MECOM: variants seen among roughly 807,000 people sequenced by gnomAD.
MECOM encodes the protein MDS1 and EVI1 complex locus, also known as histone-lysine N-methyltransferase MECOM.
In MECOM, 13 loss-of-function variants were observed where a neutral mutation model predicts 116.3. The observed-to-expected ratio is 0.11, with a 90% CI of 0.07 to 0.18. MECOM has a LOEUF of 0.18. Among genes scored for constraint, MECOM ranks in the 10% least tolerant of loss-of-function variants. The pLI, the probability that MECOM is intolerant of heterozygous loss-of-function variation, is 1.00. For missense variants in MECOM, 1,299 were observed against 1,509.0 expected, an observed-to-expected ratio of 0.86 and a Z score of 2.31; for synonymous variants, 528 against 535.2, an observed-to-expected ratio of 0.99 and a Z score of 0.19.
intron 2 of MECOM, among the ~76,000 whole-genome samples, chr3:169,274,417 T>C (rs752077375): frequency 2.0e-5 from 3 of 152,234 alleles, no homozygotes; most frequent in Non-Finnish European, 2.9e-5. Context: ...AGCACTACAC[T>C]GTTTTCTGGA....
At chr3:169,548,204 G>T (rs1277230613) in intron 1 of MECOM, among the ~76,000 whole-genome samples, 1 of 151,990 alleles carries the variant, frequency 6.6e-6, no homozygotes, top group African/African-American at 2.4e-5. Flanking sequence ...AAAAAAGAAA[G>T]AAAAACTTTA....
intron 2 of MECOM, among the ~76,000 whole-genome samples, chr3:169,291,293 C>T (rs1353947025): frequency 1.3e-5 from 2 of 152,170 alleles, no homozygotes; most frequent in Non-Finnish European, 2.9e-5. Flanking sequence ...GCCTCCAACT[C>T]ACTATCAAGG....
At chr3:169,476,832 A>AT (rs1458291861) in intron 1 of MECOM, 2 of 150,388 alleles carry the variant, frequency 1.3e-5, no homozygotes, top group Non-Finnish European at 3.0e-5. Context: ...AGAAGATGCT[A>AT]TTTTTTGTTG....
At chr3:169,247,948 G>A (rs1755797154) in intron 2 of MECOM, among the ~76,000 whole-genome samples, 1 of 152,146 alleles carries the variant, frequency 6.6e-6, no homozygotes, top group African/African-American at 2.4e-5. Flanking sequence ...CCAACTAGCT[G>A]ACTTTTGCCC....
At chr3:169,622,868 C>T (rs1362134746) in intron 1 of MECOM, among the ~76,000 whole-genome samples, 1 of 152,136 alleles carries the variant, frequency 6.6e-6, no homozygotes, top group East Asian at 1.9e-4. Flanking sequence ...GGAGGAAAGA[C>T]AGGTAATTCA....
chr3:169,191,458 G>C (rs976834493), intron 2 of MECOM, among the ~76,000 whole-genome samples: 2 of 151,904 alleles, frequency 1.3e-5, no homozygotes, highest in African/African-American at 4.8e-5. Flanking sequence ...GAATAGATCA[G>C]ATAAGATGGA....
At chr3:169,180,962 G>A (rs923565268) in intron 2 of MECOM, among the ~76,000 whole-genome samples, 2 of 151,954 alleles carry the variant, frequency 1.3e-5, no homozygotes, top group South Asian at 2.1e-4. Context: ...TATGTAGGAA[G>A]TGAAACTAAT....
At chr3:169,272,236 C>A (rs1361812616) in intron 2 of MECOM, among the ~76,000 whole-genome samples, 1 of 152,172 alleles carries the variant, frequency 6.6e-6, no homozygotes, top group Non-Finnish European at 1.5e-5. Flanking sequence ...TGCCTTAGTT[C>A]CCAGAGTAGG....
intron 1 of MECOM, among the ~76,000 whole-genome samples, chr3:169,538,393 T>C (rs1385061519): frequency 1.3e-5 from 2 of 152,190 alleles, no homozygotes; most frequent in African/African-American, 4.8e-5. Flanking sequence ...CCTTAAAATA[T>C]CACACCCACT....
chr3:169,359,623 C>CTTTA lies in MECOM; in HGVS notation c.375+21560_375+21563dup, dbSNP rs565873552. ...TAGTCAAACTCAACTATTCTTCTAC[C>CTTTA]TTTATATTGCTGACAATATTCTATA... On this transcript the variant is annotated intron_variant, in intron 2 of 16. Transcript: ENST00000651503. Among the ~76,000 whole-genome samples, 431 of 151,748 alleles carry CTTTA rather than the reference C, an allele frequency of 2.8e-3. 4 individuals are homozygous for CTTTA. The highest frequency in any genetic ancestry group is 7.4e-3 in the Admixed American group (113 of 15,204).
chr3:169,420,557 G>T (rs1211983331), intron 1 of MECOM, among the ~76,000 whole-genome samples: 1 of 152,104 alleles, frequency 6.6e-6, no homozygotes, highest in African/African-American at 2.4e-5. Context: ...TTTCCTTATA[G>T]GAAGCCGGCC....
intron 1 of MECOM, among the ~76,000 whole-genome samples, chr3:169,604,079 A>G (rs1768173125): frequency 6.6e-6 from 1 of 152,224 alleles, no homozygotes; most frequent in African/African-American, 2.4e-5. Context: ...CCCTTAGAGA[A>G]AGAAAAATGA....
At chr3:169,282,911 A>G (rs780724736) in intron 2 of MECOM, among the ~76,000 whole-genome samples, 7 of 151,954 alleles carry the variant, frequency 4.6e-5, no homozygotes, top group South Asian at 2.1e-4. Context: ...CTGTGCCCCA[A>G]TGCAACCACT....
At chr3:169,592,848 T>C (rs1766597394) in intron 1 of MECOM, among the ~76,000 whole-genome samples, 1 of 152,134 alleles carries the variant, frequency 6.6e-6, no homozygotes, top group Non-Finnish European at 1.5e-5. Context: ...CATATACACA[T>C]GGATACATAC....
intron 2 of MECOM, among the ~76,000 whole-genome samples, chr3:169,148,450 G>C (rs988283571): frequency 6.6e-6 from 1 of 152,082 alleles, no homozygotes; most frequent in African/African-American, 2.4e-5. Flanking sequence ...AAAACAAAAG[G>C]GTCTACAGAT....
intron 1 of MECOM, among the ~76,000 whole-genome samples, chr3:169,410,677 G>A (rs1446212835): frequency 6.6e-6 from 1 of 152,098 alleles, no homozygotes; most frequent in Non-Finnish European, 1.5e-5. Context: ...GTGCCTAGGA[G>A]GGAATAAATA....
At chr3:169,109,626 GGCT>G (rs1466527772) in intron 9 of MECOM, among the ~76,000 whole-genome samples, 1 of 152,108 alleles carries the variant, frequency 6.6e-6, no homozygotes. Flanking sequence ...CTGTTGGTCA[GGCT>G]GCTGTTGAAC....
intron 2 of MECOM, among the ~76,000 whole-genome samples, chr3:169,375,799 A>C (rs1388947165): frequency 6.6e-6 from 1 of 152,184 alleles, no homozygotes; most frequent in Non-Finnish European, 1.5e-5. Context: ...AAACAATGGA[A>C]AAAGTGGAAC....
chr3:169,575,180 A>G (rs1055490932), intron 1 of MECOM, among the ~76,000 whole-genome samples: 1 of 152,188 alleles, frequency 6.6e-6, no homozygotes, highest in Non-Finnish European at 1.5e-5. Context: ...AAAAAGCATT[A>G]AAGACCCTCA....
Sources: gnomAD v4.1 joint callset for allele counts (sites outside exome capture counted in the v4.1 genomes callset) on GRCh38, gnomAD v4.1.1 for gene constraint, MANE v1.5 for transcripts, NCBI Gene and HGNC (gene_info 2026-07-23, HGNC 2026-07-21) for gene names.